The following SLC22A14 variants were observed in gnomAD, a reference collection of about 807,000 sequenced individuals.
SLC22A14 encodes solute carrier family 22 member 14, also known as organic cation transporter-like 4.
In SLC22A14, 50 loss-of-function variants were observed where a neutral mutation model predicts 53.9. The ratio of observed to expected loss-of-function variants is 0.93; its 90% CI spans 0.74 to 1.17. The LOEUF (loss-of-function observed/expected upper bound fraction) is 1.17. SLC22A14 is among the 50% of genes most tolerant of loss of function. The probability of loss-of-function intolerance (pLI) is 0.00; values close to 1 mark genes in which losing one functional copy is unlikely to be tolerated. For missense variants in SLC22A14, 671 were observed against 734.7 expected, an observed-to-expected ratio of 0.91 and a Z score of 1.00; for synonymous variants, 312 against 303.0, an observed-to-expected ratio of 1.03 and a Z score of -0.31.
In SLC22A14 at chr3:38,307,924, T is replaced by C. The variant is rs915218341; in HGVS notation, c.775+204T>C. On this transcript the variant is annotated intron_variant, in intron 4 of 10. Transcript: ENST00000448498. This position sits in a 1 kb window ranked among gnomAD's most constrained non-coding sequence, Gnocchi z 4.4. ...ACAGGACACAGAGTCAGGGGCCTAA[T>C]TGGACAGGCAGAAGTGGAAGGGATC... 9 of 597,010 alleles carry C rather than the reference T, an allele frequency of 1.5e-5. No individual in the cohort carries two copies. The highest frequency in any genetic ancestry group is 2.4e-5 in the Non-Finnish European group (8 of 337,916). The allele number at this position is 597,010 out of a possible 1,614,324, so 37.0% of individuals were successfully genotyped here.
chr3:38,294,602 G>A (rs1243419448), intron 1 of SLC22A14, among the ~76,000 whole-genome samples: 1 of 152,100 alleles, frequency 6.6e-6, no homozygotes, highest in Non-Finnish European at 1.5e-5. Flanking sequence ...ATTTTCTGAT[G>A]AGCATTAGTC....
At chr3:38,297,259 G>T (rs1307032553) in intron 1 of SLC22A14, among the ~76,000 whole-genome samples, 2 of 152,134 alleles carry the variant, frequency 1.3e-5, no homozygotes, top group Admixed American at 1.3e-4. Context: ...GGTGGATGCG[G>T]TCACCTTCCC....
chr3:38,284,504 T>C (rs188828344), intron 1 of SLC22A14, among the ~76,000 whole-genome samples: 349 of 152,330 alleles, frequency 2.3e-3, no homozygotes, highest in African/African-American at 8.0e-3. Flanking sequence ...GCCCGTCCTC[T>C]AAAGAATTCT....
intron 5 of SLC22A14, among the ~76,000 whole-genome samples, chr3:38,311,318 A>T (rs576930961): frequency 6.6e-6 from 1 of 152,222 alleles, no homozygotes; most frequent in East Asian, 1.9e-4. Flanking sequence ...AGTACCAATG[A>T]TCTCTAATGT....
At position 38,294,538 on chromosome 3, in the gene SLC22A14, G is replaced by A. The variant is rs1178310808; in HGVS notation, c.1-11489G>A. On this transcript the variant is annotated intron_variant, in intron 1 of 10. Transcript: ENST00000448498. Reference sequence around the variant, plus strand: ...ACATCTTAGGGTTGTTTTTGCCTTGGGGGGAATGCTTCCCATCAGAAAAAA... The same window carrying A: ...ACATCTTAGGGTTGTTTTTGCCTTGAGGGGAATGCTTCCCATCAGAAAAAA... 4.6e-5 allele frequency among the ~76,000 whole-genome samples: 7 copies of A among 152,108 alleles called. No homozygotes were observed. In the East Asian group the frequency reaches 1.4e-3, roughly 29 times the overall value.
chr3:38,290,449 CA>C (rs1345514987), intron 1 of SLC22A14, among the ~76,000 whole-genome samples: 13 of 152,144 alleles, frequency 8.5e-5, no homozygotes, highest in Non-Finnish European at 2.9e-5. Context: ...ACAAACTTAA[CA>C]AAGAGGTTAA....
rs764621701 is a variant in SLC22A14, at chr3:38,307,321, C to T, written c.584C>T (p.Pro195Leu). 1.5e-5 allele frequency: 25 copies of T among 1,613,924 alleles called. No individual in the cohort carries two copies. The Middle Eastern group carries it at 4.9e-4, about 32-fold the overall frequency. The change falls in exon 3 of 11, where the codon CCG becomes CTG. Residue 195 changes from proline (P) to leucine (L), a missense_variant. By Grantham distance (98) the Pro-to-Leu change is moderately conservative. Transcript: ENST00000448498. The surrounding 1 kb of genome is among the most constrained non-coding windows in gnomAD (Gnocchi z 4.4). Reference protein sequence around the residue: ...TAQIMFMAGLPIGSLIFRLIT... With the variant: ...TAQIMFMAGLLIGSLIFRLIT... ...CAGATCATGTTCATGGCAGGGCTCC[C>T]GATAGGCTCTCTCATCTTCAGGCTC...
At position 38,295,949 on chromosome 3, in the gene SLC22A14, G is replaced by T. The variant is rs552667656; in HGVS notation, c.1-10078G>T. ...AAATCAGGAGGGACACCAGGGACAA[G>T]ACTCCCTGGGTTTATAGCCTAGATG... On this transcript the variant is annotated intron_variant, in intron 1 of 10. Transcript: ENST00000448498. Among the ~76,000 whole-genome samples the T allele has an allele frequency of 6.0e-4, 91 of 152,286 alleles. 2 individuals are homozygous for T. The highest frequency in any genetic ancestry group is 2.1e-3 in the African/African-American group (86 of 41,552).
chr3:38,294,260 G>C (rs55979835), intron 1 of SLC22A14, among the ~76,000 whole-genome samples: 9,767 of 152,072 alleles, frequency 0.064, 378 homozygotes, highest in East Asian at 0.16. Flanking sequence ...TTCCTGTAGG[G>C]CATAAATCAC....
intron 1 of SLC22A14, among the ~76,000 whole-genome samples, chr3:38,296,677 A>G (rs1704045204): frequency 6.6e-6 from 1 of 152,174 alleles, no homozygotes; most frequent in African/African-American, 2.4e-5. Flanking sequence ...CACAGATTCC[A>G]AAGAATGGAA....
intron 1 of SLC22A14, among the ~76,000 whole-genome samples, chr3:38,282,898 C>T (rs1703704303): frequency 6.6e-6 from 1 of 152,326 alleles, no homozygotes; most frequent in African/African-American, 2.4e-5. Context: ...CCTATTGCTG[C>T]TATAACAAAT....
At chr3:38,297,648 A>T (rs1209495838) in intron 1 of SLC22A14, among the ~76,000 whole-genome samples, 1 of 151,962 alleles carries the variant, frequency 6.6e-6, no homozygotes, top group African/African-American at 2.4e-5. Context: ...TTTTCTTATG[A>T]TTATATTAAG....
At position 38,313,035 on chromosome 3, in the gene SLC22A14, A is replaced by G; in HGVS notation, c.981A>G (p.Lys327=). 1 of 1,592,932 alleles carries G rather than the reference A, an allele frequency of 6.3e-7. No homozygotes were observed. Residue 327 remains lysine, a synonymous_variant, in exon 6 of 11, where the codon AAA becomes AAG. Transcript: ENST00000448498. Reference sequence around the variant, plus strand: ...AGTCCCCGCGGTGGCTGATGATGAAAGGGAAGGTGAAGGAGGCCAAGCAGG... The same window carrying G: ...AGTCCCCGCGGTGGCTGATGATGAAGGGGAAGGTGAAGGAGGCCAAGCAGG... ...LPESPRWLMM[K]GKVKEAKQVL... is the part of the protein sequence containing the mutation.
rs112460819 is a variant in SLC22A14 at position 38,315,684 on chromosome 3, C to A, written c.1505C>A (p.Thr502Asn). The A allele has an allele frequency of 1.2e-6, 2 of 1,613,980 alleles. No individual in the cohort carries two copies. The highest frequency in any genetic ancestry group is 1.6e-4 in the Middle Eastern group (1 of 6,062). Residue 502 changes from threonine (T) to asparagine (N), a missense_variant, in exon 9 of 11, where the codon ACC (threonine) becomes AAC (asparagine). By Grantham distance (65) the Thr-to-Asn change is moderately conservative. Coordinates refer to ENST00000448498, the MANE Select transcript of SLC22A14 (RefSeq NM_001320033.2). Reference protein sequence around the residue: ...AATVTVFFLYTAELLPTVLRA... With the variant: ...AATVTVFFLYNAELLPTVLRA... ...ACTGTCACTGTGTTCTTCCTCTACACCGCTGAGCTCCTCCCCACTGTGCTC... is the reference window on the plus strand; with the variant it reads ...ACTGTCACTGTGTTCTTCCTCTACAACGCTGAGCTCCTCCCCACTGTGCTC...
intron 1 of SLC22A14, among the ~76,000 whole-genome samples, chr3:38,300,938 G>A (rs1309457413): frequency 1.3e-5 from 2 of 152,088 alleles, no homozygotes; most frequent in Non-Finnish European, 2.9e-5. Context: ...ACCACCCAGG[G>A]CGCTAGGACT....
At chr3:38,288,170 T>C (rs1294538541) in intron 1 of SLC22A14, among the ~76,000 whole-genome samples, 1 of 152,242 alleles carries the variant, frequency 6.6e-6, no homozygotes, top group African/African-American at 2.4e-5. Flanking sequence ...AGGTACCTCA[T>C]ATAAGTGTAA....
At chr3:38,305,343 T>C (rs1704272496) in intron 1 of SLC22A14, 2 of 152,276 alleles carry the variant, frequency 1.3e-5, no homozygotes, top group Non-Finnish European at 2.9e-5. Context: ...AAGGCTCGCT[T>C]CTGCCTCTGC....
intron 7 of SLC22A14, 42 bp from the exon 8 acceptor site, chr3:38,313,685 T>TGCGTGTGTGTGCGCGCGC (rs1704542382): frequency 1.2e-6 from 1 of 801,974 alleles, no homozygotes; most frequent in African/African-American, 1.7e-5. Context: ...TCCGTGTGTG[T>TGCGTGTGTGTGCGCGCGC]GCGCGCGTGT....
At chr3:38,299,527 G>T (rs1301184285) in intron 1 of SLC22A14, among the ~76,000 whole-genome samples, 4 of 152,116 alleles carry the variant, frequency 2.6e-5, no homozygotes. Context: ...CCATATCAAT[G>T]AATAGACATT....
Sources: allele counts gnomAD v4.1 joint callset (sites outside exome capture counted in the v4.1 genomes callset), GRCh38; gene constraint gnomAD v4.1.1; non-coding constraint Gnocchi (gnomAD v3.1); transcripts MANE v1.5; gene names NCBI Gene and HGNC (gene_info 2026-07-23, HGNC 2026-07-21).